SHROOM2: variants seen among roughly 807,000 people sequenced by gnomAD.
The protein encoded by SHROOM2 is protein Shroom2.
SHROOM2 carries 33 observed loss-of-function variants against 75.9 expected under a neutral mutation model. The observed-to-expected ratio is 0.43, with a 90% CI of 0.33 to 0.58. SHROOM2 has a LOEUF of 0.58. Among genes scored for constraint, SHROOM2 ranks in the 20% least tolerant of loss-of-function variants. SHROOM2 has a pLI of 0.04. For synonymous variants in SHROOM2, 655 were observed against 663.6 expected (o/e 0.99, Z 0.20); for missense variants, 1,434 against 1,461.2 (o/e 0.98, Z 0.30).
intron 2 of SHROOM2, among the ~76,000 whole-genome samples, chrX:9,885,950 CAAAA>C (rs35651225): frequency 2.1e-5 from 1 of 48,150 alleles, no homozygotes; most frequent in South Asian, 1.4e-3. Flanking sequence ...GAGAGCCTGT[CAAAA>C]AAAAAAAAAA....
chrX:9,814,052 A>G (rs999676060), intron 1 of SHROOM2, among the ~76,000 whole-genome samples: 6 of 111,775 alleles, frequency 5.4e-5, no homozygotes, highest in Non-Finnish European at 1.1e-4. Context: ...TCTATTTTGC[A>G]AGGCATTGGT....
intron 5 of SHROOM2, among the ~76,000 whole-genome samples, chrX:9,915,666 C>T (rs987320371): frequency 8.9e-6 from 1 of 112,555 alleles, no homozygotes; most frequent in African/African-American, 3.2e-5. Context: ...AACATTTATA[C>T]ACGTGTGTGT....
chrX:9,837,145 G>A (rs770552549), intron 1 of SHROOM2, among the ~76,000 whole-genome samples: 10 of 112,383 alleles, frequency 8.9e-5, no homozygotes, highest in African/African-American at 2.9e-4. Flanking sequence ...TTGCTTTCCC[G>A]TGCCACCCTG....
At chrX:9,831,182 A>G (rs1253441366) in intron 1 of SHROOM2, among the ~76,000 whole-genome samples, 1 of 112,285 alleles carries the variant, frequency 8.9e-6, no homozygotes, top group Non-Finnish European at 1.9e-5. Flanking sequence ...ACATGGCACT[A>G]TCGACATTTG....
chrX:9,904,869 C>T (rs2084383380), intron 5 of SHROOM2, among the ~76,000 whole-genome samples: 1 of 111,930 alleles, frequency 8.9e-6, no homozygotes. Context: ...GATTGATAAC[C>T]GATTGATTCA....
rs778519994 is a variant in SHROOM2 at position 9,896,409 on chromosome X, G to A, written c.2501G>A (p.Arg834His). Residue 834 changes from arginine (R) to histidine (H), a missense_variant, in exon 4 of 10, where the codon CGC becomes CAC. Transcript: ENST00000380913. Reference sequence around the variant, plus strand: ...CCAGAGAGGCCGCGGACAGCGGGCCGCACATGTGAGGGCACGGAGCCCTGG... The same window carrying A: ...CCAGAGAGGCCGCGGACAGCGGGCCACACATGTGAGGGCACGGAGCCCTGG... ...DKPERPRTAG[R>H]TCEGTEPWSR... 3.3e-5 allele frequency: 40 copies of A among 1,211,279 alleles called. No homozygotes were observed. The highest frequency in any genetic ancestry group is 5.2e-5 in the African/African-American group (3 of 57,684).
chrX:9,816,580 CCTGCTG>C (rs112480338), intron 1 of SHROOM2, among the ~76,000 whole-genome samples: 156 of 102,554 alleles, frequency 1.5e-3, no homozygotes, highest in African/African-American at 4.7e-3. Flanking sequence ...AGCCTTACCC[CCTGCTG>C]CTGCTGCTGC....
chrX:9,865,757 T>C (rs1304112139), intron 1 of SHROOM2, among the ~76,000 whole-genome samples: 1 of 109,190 alleles, frequency 9.2e-6, no homozygotes, highest in Non-Finnish European at 1.9e-5. Flanking sequence ...AGACGGGGTT[T>C]CACCATGTTA....
At chrX:9,939,493 C>T in intron 8 of SHROOM2, 127 bp downstream of exon 8, 1 of 541,197 alleles carries the variant, frequency 1.8e-6, no homozygotes, top group Non-Finnish European at 2.9e-6. Context: ...TCAGCTTTCA[C>T]TCAGGACAGT....
At chrX:9,942,500 T>G (rs1207321849) in intron 8 of SHROOM2, among the ~76,000 whole-genome samples, 2 of 112,220 alleles carry the variant, frequency 1.8e-5, no homozygotes, top group African/African-American at 6.5e-5. Flanking sequence ...CACCTTCAAG[T>G]TGGGGTTCCC....
chrX:9,904,203 T>C, intron 5 of SHROOM2, among the ~76,000 whole-genome samples: 1 of 111,262 alleles, frequency 9.0e-6, no homozygotes, highest in African/African-American at 3.3e-5. Context: ...ATGGGGCAGG[T>C]AAGCAGTCTT....
chrX:9,912,651 C>T (rs2238882), intron 5 of SHROOM2: 31,578 of 110,805 alleles, frequency 0.28, 3,729 homozygotes, highest in East Asian at 0.84. Context: ...CAGATGGGAC[C>T]GGTTTCAGGA....
chrX:9,786,740 C>G (rs1166173625), intron 1 of SHROOM2, 30 bp downstream of exon 1: 14 of 866,638 alleles, frequency 1.6e-5, no homozygotes, highest in Non-Finnish European at 2.0e-5. Flanking sequence ...CGGGCGCTGA[C>G]AGCCGGGAGC....
chrX:9,828,254 T>A (rs994537347), intron 1 of SHROOM2, among the ~76,000 whole-genome samples: 4 of 112,060 alleles, frequency 3.6e-5, no homozygotes, highest in Non-Finnish European at 5.6e-5. Context: ...CATTATCCAA[T>A]CACCTTCTAC....
At chrX:9,917,502 T>TTTGTTGTTG (rs35611302) in intron 5 of SHROOM2, among the ~76,000 whole-genome samples, 66 of 84,233 alleles carry the variant, frequency 7.8e-4, no homozygotes, top group Admixed American at 1.3e-3. Context: ...ATTGTGGTTC[T>TTTGTTGTTG]TTGTTGTTGT....
At chrX:9,868,345 A>G (rs754825244) in intron 1 of SHROOM2, among the ~76,000 whole-genome samples, 173 of 109,639 alleles carry the variant, frequency 1.6e-3, no homozygotes, top group Non-Finnish European at 2.8e-3. Flanking sequence ...TTCCGGGTTC[A>G]AGCGACTCTC....
intron 1 of SHROOM2, among the ~76,000 whole-genome samples, chrX:9,795,980 C>T: frequency 9.0e-6 from 1 of 111,240 alleles, no homozygotes; most frequent in Middle Eastern, 4.6e-3. Context: ...GCATCCGGAG[C>T]TGGATCTTGC....
intron 5 of SHROOM2, among the ~76,000 whole-genome samples, chrX:9,916,117 A>T (rs776054267): frequency 8.9e-6 from 1 of 112,244 alleles, no homozygotes; most frequent in Admixed American, 9.5e-5. Context: ...CAATTTTGCT[A>T]ATTAAAACCT....
intron 1 of SHROOM2, among the ~76,000 whole-genome samples, chrX:9,845,126 C>T (rs1051817791): frequency 4.5e-5 from 5 of 112,205 alleles, no homozygotes; most frequent in African/African-American, 1.3e-4. Context: ...ACATGAAGGT[C>T]GTGGCTGTGT....
Sources: allele counts gnomAD v4.1 joint callset (sites outside exome capture counted in the v4.1 genomes callset), GRCh38; gene constraint gnomAD v4.1.1; transcripts MANE v1.5; gene names NCBI Gene and HGNC (gene_info 2026-07-23, HGNC 2026-07-21).